PLEKHH2: variants seen among roughly 807,000 people sequenced by gnomAD.
PLEKHH2 encodes the protein pleckstrin homology domain-containing family H member 2.
A neutral mutation model predicts 187.9 loss-of-function variants in PLEKHH2; 129 were observed. The ratio of observed to expected loss-of-function variants is 0.69; its 90% CI spans 0.59 to 0.79. The LOEUF is 0.79. PLEKHH2 is among the 30% of genes least tolerant of loss of function. PLEKHH2 has a pLI of 0.00. For synonymous variants in PLEKHH2, 686 were observed against 605.6 expected, an observed-to-expected ratio of 1.13 and a Z score of -1.95; for missense variants, 2,076 against 1,751.2, an observed-to-expected ratio of 1.19 and a Z score of -3.31.
At chr2:43,686,896 G>A (rs535423894) in intron 3 of PLEKHH2, among the ~76,000 whole-genome samples, 2 of 152,200 alleles carry the variant, frequency 1.3e-5, no homozygotes, top group East Asian at 3.9e-4. Flanking sequence ...TCCAAGTAGT[G>A]TAGCATGACA....
chr2:43,753,500 G>A, intron 24 of PLEKHH2, 119 bp from the exon 25 acceptor site: 1 of 724,570 alleles, frequency 1.4e-6, no homozygotes, highest in Non-Finnish European at 2.0e-6. Context: ...AGTAGTCTAA[G>A]TTCATACCAC....
intron 2 of PLEKHH2, chr2:43,676,007 C>G: frequency 6.2e-7 from 1 of 1,613,996 alleles, no homozygotes; most frequent in Non-Finnish European, 8.5e-7. Flanking sequence ...AACAAATTAT[C>G]ATTTTTAGTA....
intron 2 of PLEKHH2, among the ~76,000 whole-genome samples, chr2:43,650,094 T>C (rs1666388723): frequency 6.6e-6 from 1 of 152,040 alleles, no homozygotes; most frequent in African/African-American, 2.4e-5. Context: ...CTTATTTTTG[T>C]CTAAAGCCTG....
rs1278086489 is a variant in PLEKHH2, at chr2:43,644,612, G to C, written c.-3-59G>C. The C allele has an allele frequency of 2.3e-6, 3 of 1,303,826 alleles. No homozygotes were observed. The Admixed American group carries it at 7.0e-5, about 30-fold the overall frequency. The allele number at this position is 1,303,826 out of a possible 1,614,324, so 80.8% of individuals were successfully genotyped here. A position where few individuals can be genotyped will look rare whatever the true frequency, so the allele number is the denominator to read the frequency against. On this transcript the variant is annotated intron_variant, in intron 1 of 29. Transcript: ENST00000282406. ...ACAAATTATCCTGAATATTAATTGT[G>C]TTGTAGCATTTGAATGTTTTACTTT... is the stretch of plus-strand genomic sequence containing the variant.
At chr2:43,763,073 T>C (rs1672490488) in intron 28 of PLEKHH2, among the ~76,000 whole-genome samples, 1 of 152,208 alleles carries the variant, frequency 6.6e-6, no homozygotes, top group Non-Finnish European at 1.5e-5. Context: ...CTGTTTCCCC[T>C]TATAATTGCT....
chr2:43,738,708 G>C (rs1019942626), intron 20 of PLEKHH2, among the ~76,000 whole-genome samples, 188 bp downstream of exon 20: 2 of 152,048 alleles, frequency 1.3e-5, no homozygotes, highest in African/African-American at 2.4e-5. Context: ...GTGTATGTTG[G>C]TGTGTGTACA....
chr2:43,717,355 T>C (rs185454940), intron 15 of PLEKHH2, among the ~76,000 whole-genome samples: 1 of 151,926 alleles, frequency 6.6e-6, no homozygotes. Context: ...GAGGCAGAGG[T>C]TGCAGTGAGC....
intron 3 of PLEKHH2, chr2:43,679,709 C>G (rs373340978): frequency 2.9e-5 from 5 of 172,802 alleles, no homozygotes; most frequent in Middle Eastern, 2.6e-3. Flanking sequence ...AGGATGGCCT[C>G]AAACTCCTGA....
At chr2:43,720,106 T>C (rs1390777931) in intron 15 of PLEKHH2, among the ~76,000 whole-genome samples, 2 of 152,190 alleles carry the variant, frequency 1.3e-5, no homozygotes, top group African/African-American at 4.8e-5. Flanking sequence ...CGTAATAACA[T>C]ACATTGTACC....
At chr2:43,657,928 A>G (rs1261572710) in intron 2 of PLEKHH2, among the ~76,000 whole-genome samples, 1 of 152,208 alleles carries the variant, frequency 6.6e-6, no homozygotes, top group Admixed American at 6.5e-5. Context: ...TGTATCTACA[A>G]TTGTGCCTAC....
At chr2:43,640,839 C>T (rs1574460613) in intron 1 of PLEKHH2, among the ~76,000 whole-genome samples, 1 of 151,856 alleles carries the variant, frequency 6.6e-6, no homozygotes, top group Non-Finnish European at 1.5e-5. Context: ...GGCTGGAGTG[C>T]AGTGGTGTGA....
At chr2:43,762,832 A>T (rs993324686) in intron 28 of PLEKHH2, among the ~76,000 whole-genome samples, 8 of 152,220 alleles carry the variant, frequency 5.3e-5, no homozygotes, top group Non-Finnish European at 1.0e-4. Context: ...CACTTTTCAC[A>T]TAGTTTAAAT....
At chr2:43,680,163 T>A (rs933035460) in intron 3 of PLEKHH2, among the ~76,000 whole-genome samples, 2 of 152,214 alleles carry the variant, frequency 1.3e-5, no homozygotes, top group Non-Finnish European at 2.9e-5. Context: ...TCCAGTGAGT[T>A]CTGGTGTTCT....
At position 43,757,132 on chromosome 2, in the gene PLEKHH2, AT is replaced by A; in HGVS notation, c.3813del (p.Phe1271LeufsTer18). On this transcript the variant is annotated frameshift_variant, in exon 26 of 30. Transcript: ENST00000282406. LOFTEE classifies it high-confidence loss of function. ...ATTTCCAATTAGGTAGAGATTGGAG[AT>A]TTTGAAAGACCTTTCTCAACTCCAG... ...AALLSQVEIGDFERPFSTPAG... is the reference protein window; with the variant it reads ...AALLSQVEIGXFERPFSTPAG... The A allele has an allele frequency of 6.3e-7, 1 of 1,579,472 alleles. No homozygotes were observed. Among genetic ancestry groups the A allele is most frequent in the South Asian group, 1.2e-5 (1 of 83,876 alleles).
In PLEKHH2 at chr2:43,706,428, T is replaced by C. The variant is rs1162720420; in HGVS notation, c.1821+12T>C. Reference sequence around the variant, plus strand: ...CAACTTTGAAGGGGGTAACTCATTATTGTTATTGTTAAAACATGTGCTTCT... The same window carrying C: ...CAACTTTGAAGGGGGTAACTCATTACTGTTATTGTTAAAACATGTGCTTCT... On this transcript the variant is annotated intron_variant, in intron 10 of 29. Coordinates refer to ENST00000282406, the MANE Select transcript of PLEKHH2 (RefSeq NM_172069.4). 1 of 1,512,312 alleles carries C rather than the reference T, an allele frequency of 6.6e-7. No homozygotes were observed. The highest frequency in any genetic ancestry group is 1.2e-5 in the South Asian group (1 of 85,610). 93.7% of individuals were successfully genotyped at this position (1,512,312 alleles called of 1,614,324 possible).
At chr2:43,695,294 T>C (rs1291162663) in intron 6 of PLEKHH2, 70 bp downstream of exon 6, 1 of 793,546 alleles carries the variant, frequency 1.3e-6, no homozygotes, top group Non-Finnish European at 1.8e-6. Flanking sequence ...TTTTTTGATG[T>C]TTTAAAGATG....
intron 1 of PLEKHH2, among the ~76,000 whole-genome samples, chr2:43,644,058 A>G (rs1476522007): frequency 6.6e-6 from 1 of 152,144 alleles, no homozygotes; most frequent in African/African-American, 2.4e-5. Flanking sequence ...CAGGATCACA[A>G]CAACTTACCC....
intron 24 of PLEKHH2, among the ~76,000 whole-genome samples, chr2:43,749,967 C>T (rs1439833899): frequency 4.6e-5 from 7 of 152,232 alleles, no homozygotes; most frequent in Non-Finnish European, 1.0e-4. Flanking sequence ...AACTTGTTCT[C>T]ATAGACAACC....
chr2:43,707,483 G>A lies in PLEKHH2; in HGVS notation c.1904G>A (p.Arg635Gln), dbSNP rs199622285. The A allele has an allele frequency of 1.2e-4, 198 of 1,613,974 alleles. No homozygotes were observed. The highest frequency in any genetic ancestry group is 1.6e-4 in the Middle Eastern group (1 of 6,084). ...GAAGACAGCTCCAGATCCAGCTCCC[G>A]GACGTCAGAGTCAGACTCACGCAGT... Reference protein sequence around the residue: ...EEEDSSRSSSRTSESDSRSRS... With the variant: ...EEEDSSRSSSQTSESDSRSRS... The change falls in exon 11 of 30, where the codon CGG becomes CAG. Residue 635 changes from arginine (R) to glutamine (Q), a missense_variant. Physicochemically the swap from Arg to Gln is conservative, Grantham distance 43. Transcript: ENST00000282406.
Sources: allele counts gnomAD v4.1 joint callset (sites outside exome capture counted in the v4.1 genomes callset), GRCh38; gene constraint gnomAD v4.1.1; transcripts MANE v1.5; gene names NCBI Gene and HGNC (gene_info 2026-07-23, HGNC 2026-07-21).